Variants in ABCD2 observed in about 807,000 individuals in gnomAD.
The protein encoded by ABCD2 is ATP-binding cassette sub-family D member 2.
A neutral mutation model predicts 70.9 loss-of-function variants in ABCD2; 36 were observed. The ratio of observed to expected loss-of-function variants is 0.51; its 90% CI spans 0.39 to 0.67. ABCD2 has a LOEUF of 0.67. ABCD2 is among the 30% of genes least tolerant of loss of function. The probability of loss-of-function intolerance (pLI) is 0.00; values close to 1 mark genes in which losing one functional copy is unlikely to be tolerated. For missense variants in ABCD2, 729 were observed against 890.2 expected (o/e 0.82, Z 2.30); for synonymous variants, 304 against 306.9 (o/e 0.99, Z 0.10).
chr12:39,567,951 G>A (rs542407650), intron 9 of ABCD2, among the ~76,000 whole-genome samples: 2 of 151,788 alleles, frequency 1.3e-5, no homozygotes, highest in Non-Finnish European at 2.9e-5. Flanking sequence ...TTGAATATTG[G>A]CCCCCACTCT....
At chr12:39,580,781 T>C (rs1941586162) in intron 7 of ABCD2, among the ~76,000 whole-genome samples, 1 of 152,216 alleles carries the variant, frequency 6.6e-6, no homozygotes, top group South Asian at 2.1e-4. Flanking sequence ...ATCCATGTTC[T>C]CTGTCATCTT....
chr12:39,539,775 G>T, the ABCD2 span: 1,011 of 157,568 alleles, frequency 6.4e-3, 6 homozygotes, highest in South Asian at 0.017. Context: ...TGTAGCTATT[G>T]TCTGTGCTGG....
At chr12:39,555,080 C>T (rs577805773) in intron 9 of ABCD2, among the ~76,000 whole-genome samples, 15 of 151,256 alleles carry the variant, frequency 9.9e-5, no homozygotes, top group African/African-American at 2.2e-4. Flanking sequence ...TCCTTTAAAG[C>T]GTAAAATTCG....
the ABCD2 span, among the ~76,000 whole-genome samples, chr12:39,539,097 C>G: frequency 1.3e-5 from 2 of 152,154 alleles, no homozygotes; most frequent in Admixed American, 1.3e-4. Context: ...CAATAAGATA[C>G]TTTGATATTT....
intron 7 of ABCD2, among the ~76,000 whole-genome samples, chr12:39,583,165 C>T (rs1250782351): frequency 2.0e-5 from 3 of 152,238 alleles, no homozygotes; most frequent in South Asian, 2.1e-4. Context: ...GGGCCAGCTA[C>T]TAATTCTTGT....
rs1255965968 is a variant in ABCD2 at position 39,552,072 on chromosome 12, T to C, written c.*1840A>G. The stretch of plus-strand genomic sequence containing the variant: ...TTCTTAAAAAAAAATCTTTAATTCC[T>C]GCCTCACTTTTCTAACAGGAAATAT... On this transcript the variant is annotated 3_prime_UTR_variant, in exon 10 of 10. Transcript: ENST00000308666. The C allele has an allele frequency of 1.3e-5, 2 of 151,900 alleles. No homozygotes were observed. The highest frequency in any genetic ancestry group is 4.8e-5 in the African/African-American group (2 of 41,434). The allele number at this position is 151,900 out of a possible 1,614,324, so 9.4% of individuals were successfully genotyped here.
downstream of ABCD2, among the ~76,000 whole-genome samples, chr12:39,546,558 G>A (rs1445743651): frequency 6.6e-6 from 1 of 152,140 alleles, no homozygotes; most frequent in Non-Finnish European, 1.5e-5. Context: ...ACTGGGTAAT[G>A]TGTTGAAGAA....
intron 7 of ABCD2, among the ~76,000 whole-genome samples, chr12:39,583,498 T>C (rs1941625119): frequency 6.6e-6 from 1 of 152,234 alleles, no homozygotes; most frequent in Non-Finnish European, 1.5e-5. Context: ...AGTGTGAATA[T>C]AATTTTTTGT....
Position 39,600,602 on chromosome 12 carries a change from G to A in ABCD2, c.1615C>T (p.Pro539Ser), listed in dbSNP as rs935077571. The change falls in exon 6 of 10, where the codon CCT becomes TCT. Residue 539 changes from proline to serine, a missense_variant. Physicochemically the swap from Pro to Ser is moderately conservative, Grantham distance 74. Transcript: ENST00000308666. ...GGAATATAAAACATATGTTGAGGAG[G>A]TGGTTTATAGAGGACTCCTTCATAC... ...PVYEGVLYKP[P>S]PQHMFYIPQR... The A allele has an allele frequency of 6.2e-7, 1 of 1,607,616 alleles. No individual in the cohort carries two copies. The highest frequency in any genetic ancestry group is 8.5e-7 in the Non-Finnish European group (1 of 1,177,540).
At chr12:39,533,630 C>G in the ABCD2 span, among the ~76,000 whole-genome samples, 40 of 152,264 alleles carry the variant, frequency 2.6e-4, no homozygotes, top group African/African-American at 8.9e-4. Flanking sequence ...GGAAAATTTT[C>G]TTCTTTAACC....
rs528910631 is a variant in ABCD2, at chr12:39,566,755, G to C, written c.2003+6961C>G. On this transcript the variant is annotated intron_variant, in intron 9 of 9. Coordinates refer to ENST00000308666, the MANE Select transcript of ABCD2 (RefSeq NM_005164.4). ...CAATTTTAGATCTTTCCTGCTTTCTGTTGTGGGCATTTAGTGCTATAAATT... is the reference window on the plus strand; with the variant it reads ...CAATTTTAGATCTTTCCTGCTTTCTCTTGTGGGCATTTAGTGCTATAAATT... Among the ~76,000 whole-genome samples, 473 of 152,144 alleles carry C rather than the reference G, an allele frequency of 3.1e-3. 4 individuals carry two copies. The highest frequency in any genetic ancestry group is 4.6e-3 in the Non-Finnish European group (314 of 67,980).
At chr12:39,543,302 C>T in the ABCD2 span, among the ~76,000 whole-genome samples, 1 of 152,022 alleles carries the variant, frequency 6.6e-6, no homozygotes, top group Admixed American at 6.6e-5. Context: ...ACATTTGGAC[C>T]CTTGGTCATA....
chr12:39,560,008 CTT>C (rs1057203998), intron 9 of ABCD2, among the ~76,000 whole-genome samples: 2 of 151,998 alleles, frequency 1.3e-5, no homozygotes, highest in Non-Finnish European at 2.9e-5. Flanking sequence ...ATGTAAATCA[CTT>C]ATTTCTTTTT....
chr12:39,571,897 A>G (rs1941453491), intron 9 of ABCD2, among the ~76,000 whole-genome samples: 1 of 152,136 alleles, frequency 6.6e-6, no homozygotes, highest in African/African-American at 2.4e-5. Context: ...AATATGACAC[A>G]TCTTTCCCCA....
chr12:39,583,996 T>C (rs1045529985), intron 7 of ABCD2, among the ~76,000 whole-genome samples: 3 of 152,200 alleles, frequency 2.0e-5, no homozygotes, highest in Non-Finnish European at 1.5e-5. Context: ...TTTGTGTGCA[T>C]ATGTCTTTGT....
intron 6 of ABCD2, among the ~76,000 whole-genome samples, chr12:39,589,702 T>C (rs1255994315): frequency 5.3e-5 from 8 of 152,162 alleles, no homozygotes; most frequent in Non-Finnish European, 1.5e-5. Flanking sequence ...TGAGCTATTG[T>C]TATTTAAATG....
intron 7 of ABCD2, among the ~76,000 whole-genome samples, chr12:39,585,132 T>C (rs1213635520): frequency 6.6e-6 from 1 of 152,236 alleles, no homozygotes; most frequent in East Asian, 1.9e-4. Context: ...TTTAATGATA[T>C]TGATTCTTCC....
chr12:39,546,439 C>T (rs995993443), downstream of ABCD2, among the ~76,000 whole-genome samples: 1 of 151,960 alleles, frequency 6.6e-6, no homozygotes, highest in Non-Finnish European at 1.5e-5. Flanking sequence ...GATTCCTACC[C>T]CACAGAGCTT....
Position 39,579,551 on chromosome 12 carries a change from G to C in ABCD2, c.1861C>G (p.Arg621Gly). 6.2e-7 allele frequency: 1 copy of C among 1,612,576 alleles called. No individual in the cohort carries two copies. Among genetic ancestry groups the C allele is most frequent in the Non-Finnish European group, 8.5e-7 (1 of 1,178,982 alleles). Residue 621 changes from arginine to glycine, a missense_variant, in exon 8 of 10, where the codon CGT becomes GGT. This residue lies in a region of ABCD2 where 289 missense variants were observed against 328.8 expected (regional missense o/e 0.88). Transcript: ENST00000308666. ...TATACTTACTTATGATAAAACATAC[G>C]AGCCATGCCCATTCTTTGCTTTTCC... ...GGEKQRMGMARMFYHKPKYAL... is the reference protein window; with the variant it reads ...GGEKQRMGMAGMFYHKPKYAL...
Sources: gnomAD v4.1 joint callset for allele counts (sites outside exome capture counted in the v4.1 genomes callset) on GRCh38, gnomAD v4.1.1 for gene constraint, gnomAD v4.1.1 regional missense constraint, MANE v1.5 for transcripts, NCBI Gene and HGNC (gene_info 2026-07-23, HGNC 2026-07-21) for gene names.